PRKCA: variants seen among roughly 807,000 people sequenced by gnomAD.
PRKCA encodes the protein protein kinase C alpha type.
In PRKCA, 27 loss-of-function variants were observed where a neutral mutation model predicts 87.0. The observed-to-expected ratio is 0.31, with a 90% confidence interval of 0.23 to 0.43. The LOEUF (loss-of-function observed/expected upper bound fraction) is 0.43. Ranked by LOEUF, PRKCA falls within the 20% of genes least tolerant of loss-of-function variation. The pLI, the probability that PRKCA is intolerant of heterozygous loss-of-function variation, is 1.00. For synonymous variants in PRKCA, 329 were observed against 311.1 expected, an observed-to-expected ratio of 1.06 and a Z score of -0.61; for missense variants, 518 against 852.3, an observed-to-expected ratio of 0.61 and a Z score of 4.88.
intron 3 of PRKCA, among the ~76,000 whole-genome samples, chr17:66,630,375 C>G (rs781684309): frequency 1.1e-4 from 17 of 152,188 alleles, no homozygotes; most frequent in Non-Finnish European, 1.9e-4. Context: ...ACTAATTGTT[C>G]CCTTACCTCT....
intron 3 of PRKCA, among the ~76,000 whole-genome samples, chr17:66,539,697 C>T (rs751525652): frequency 4.6e-5 from 7 of 152,288 alleles, no homozygotes; most frequent in South Asian, 4.1e-4. Flanking sequence ...GCACCGCGCC[C>T]GGCCTAAGGT....
chr17:66,507,144 G>C (rs907312093), intron 3 of PRKCA, among the ~76,000 whole-genome samples: 10 of 152,214 alleles, frequency 6.6e-5, no homozygotes, highest in African/African-American at 2.2e-4. Context: ...AAAAAACACA[G>C]TTCTTGTCTT....
At chr17:66,568,879 G>A (rs7207280) in intron 3 of PRKCA, among the ~76,000 whole-genome samples, 16,617 of 152,024 alleles carry the variant, frequency 0.11, 970 homozygotes, top group East Asian at 0.15. Context: ...GACTGGAAAC[G>A]TAGGGTCTTT....
At chr17:66,542,147 C>G (rs1822286864) in intron 3 of PRKCA, among the ~76,000 whole-genome samples, 1 of 152,176 alleles carries the variant, frequency 6.6e-6, no homozygotes, top group Non-Finnish European at 1.5e-5. Context: ...CTGAGCCAAG[C>G]ATTTTCCCCT....
chr17:66,574,791 A>C (rs973127316), intron 3 of PRKCA, among the ~76,000 whole-genome samples: 1 of 152,184 alleles, frequency 6.6e-6, no homozygotes, highest in African/African-American at 2.4e-5. Flanking sequence ...GGGATACCCA[A>C]CCTGTACTAT....
intron 3 of PRKCA, among the ~76,000 whole-genome samples, chr17:66,607,840 T>C (rs1970253852): frequency 6.6e-6 from 1 of 152,204 alleles, no homozygotes; most frequent in East Asian, 1.9e-4. Context: ...CAGTGGACGT[T>C]GTCATTTTGA....
intron 3 of PRKCA, chr17:66,641,019 A>G (rs1017234277): frequency 1.6e-4 from 49 of 303,066 alleles, no homozygotes; most frequent in African/African-American, 1.0e-3. Context: ...AAATACCCAC[A>G]TCGTGGTGGA....
chr17:66,503,698 C>A (rs1239350997), intron 3 of PRKCA, among the ~76,000 whole-genome samples: 2 of 152,146 alleles, frequency 1.3e-5, no homozygotes, highest in Admixed American at 1.3e-4. Context: ...TCTCTTTCTC[C>A]AGTCCTTTTC....
At chr17:66,338,855 A>G (rs141474479) in intron 2 of PRKCA, among the ~76,000 whole-genome samples, 17 of 152,340 alleles carry the variant, frequency 1.1e-4, no homozygotes, top group Non-Finnish European at 2.4e-4. Context: ...TCATTTTTGT[A>G]GAGAACAACA....
chr17:66,337,930 AC>A (rs1305563511), intron 2 of PRKCA, among the ~76,000 whole-genome samples: 1 of 151,958 alleles, frequency 6.6e-6, no homozygotes, highest in East Asian at 1.9e-4. Flanking sequence ...TAAAAAAAAA[AC>A]TTTTATTGCT....
chr17:66,756,001 T>C (rs1387523500), intron 13 of PRKCA, among the ~76,000 whole-genome samples: 1 of 152,138 alleles, frequency 6.6e-6, no homozygotes, highest in Non-Finnish European at 1.5e-5. Context: ...AGTGCTGGGG[T>C]GCAAAAACCT....
chr17:66,351,379 T>C lies in PRKCA; in HGVS notation c.205+45252T>C, dbSNP rs190254583. Among the ~76,000 whole-genome samples, 19 of 152,324 alleles carry C rather than the reference T, an allele frequency of 1.2e-4. 1 individual carries two copies. Among genetic ancestry groups the C allele is most frequent in the Admixed American group, 1.1e-3 (17 of 15,304 alleles). On this transcript the variant is annotated intron_variant, in intron 2 of 16. Coordinates refer to ENST00000413366, the MANE Select transcript of PRKCA (RefSeq NM_002737.3). ...TCCTGAGCAAGTGTTCCTGGCATTGTGTTGGTTCCTATGGTATGTGTTTTA... is the reference window on the plus strand; with the variant it reads ...TCCTGAGCAAGTGTTCCTGGCATTGCGTTGGTTCCTATGGTATGTGTTTTA...
chr17:66,734,896 G>A (rs948115103), intron 9 of PRKCA, among the ~76,000 whole-genome samples: 3 of 79,768 alleles, frequency 3.8e-5, no homozygotes, highest in South Asian at 8.1e-4. Context: ...TGGGTTCACT[G>A]TGTTGTTACT....
At chr17:66,553,584 C>CTGTAA (rs1968407875) in intron 3 of PRKCA, among the ~76,000 whole-genome samples, 1 of 152,280 alleles carries the variant, frequency 6.6e-6, no homozygotes, top group Admixed American at 6.5e-5. Context: ...CTGAGAATAG[C>CTGTAA]TGTAAAAGGC....
At chr17:66,559,959 G>C (rs1417649623) in intron 3 of PRKCA, among the ~76,000 whole-genome samples, 1 of 152,224 alleles carries the variant, frequency 6.6e-6, no homozygotes, top group Non-Finnish European at 1.5e-5. Flanking sequence ...TAAGCACTGA[G>C]CTGTGATCTG....
chr17:66,356,341 C>T (rs1908049053), intron 2 of PRKCA, among the ~76,000 whole-genome samples: 1 of 152,026 alleles, frequency 6.6e-6, no homozygotes, highest in Non-Finnish European at 1.5e-5. Flanking sequence ...ATTTGCATAA[C>T]AAAACACCAT....
chr17:66,356,622 T>G (rs970084569), intron 2 of PRKCA, among the ~76,000 whole-genome samples: 2 of 152,090 alleles, frequency 1.3e-5, no homozygotes, highest in African/African-American at 4.8e-5. Context: ...AGACTCCGTC[T>G]CAAAAAAACA....
chr17:66,774,639 C>A, intron 14 of PRKCA: 1 of 987,396 alleles, frequency 1.0e-6, no homozygotes. Flanking sequence ...AAAATGTGCA[C>A]GTTGATGACA....
intron 5 of PRKCA, among the ~76,000 whole-genome samples, chr17:66,655,657 T>C (rs1269680567): frequency 6.6e-6 from 1 of 152,238 alleles, no homozygotes; most frequent in African/African-American, 2.4e-5. Flanking sequence ...TCTTATCTCC[T>C]GTACCCAGCC....
Sources: allele counts gnomAD v4.1 joint callset (sites outside exome capture counted in the v4.1 genomes callset), GRCh38; gene constraint gnomAD v4.1.1; transcripts MANE v1.5; gene names NCBI Gene and HGNC (gene_info 2026-07-23, HGNC 2026-07-21).